Variants in MCC observed in about 807,000 individuals in gnomAD.
The protein encoded by MCC is colorectal mutant cancer protein.
MCC carries 90 observed loss-of-function variants against 116.2 expected under a neutral mutation model. The observed-to-expected ratio is 0.77, with a 90% CI of 0.65 to 0.92. The LOEUF (loss-of-function observed/expected upper bound fraction) is 0.92, where lower values mean the gene tolerates loss of function less well. Ranked by LOEUF, MCC falls within the 40% of genes least tolerant of loss-of-function variation. The pLI, the probability that MCC is intolerant of heterozygous loss-of-function variation, is 0.00. For missense variants in MCC, 1,516 were observed against 1,312.2 expected (o/e 1.16, Z -2.40); for synonymous variants, 578 against 510.5 (o/e 1.13, Z -1.78).
chr5:113,086,653 A>C (rs947895787), intron 8 of MCC, among the ~76,000 whole-genome samples: 1 of 152,240 alleles, frequency 6.6e-6, no homozygotes, highest in African/African-American at 2.4e-5. Context: ...GTAGCTGAAG[A>C]GAGTTGCTAG....
chr5:113,431,856 G>A (rs1052820181), intron 1 of MCC, among the ~76,000 whole-genome samples: 8 of 151,304 alleles, frequency 5.3e-5, no homozygotes, highest in African/African-American at 1.5e-4. Context: ...CAAAAATTAG[G>A]GCGGGGTACA....
intron 3 of MCC, among the ~76,000 whole-genome samples, chr5:113,168,409 T>C (rs1452209301): frequency 2.0e-5 from 3 of 152,236 alleles, no homozygotes; most frequent in Non-Finnish European, 4.4e-5. Flanking sequence ...GAAATATACT[T>C]GCACTTCTTT....
chr5:113,114,581 GC>G (rs910315117), intron 6 of MCC, among the ~76,000 whole-genome samples: 3 of 151,834 alleles, frequency 2.0e-5, no homozygotes, highest in African/African-American at 2.4e-5. Flanking sequence ...GGCCTACCCC[GC>G]CCCCCATCCT....
intron 3 of MCC, among the ~76,000 whole-genome samples, chr5:113,312,124 A>T (rs942499927): frequency 4.6e-5 from 7 of 152,042 alleles, no homozygotes; most frequent in Non-Finnish European, 1.0e-4. Flanking sequence ...AAACAAACAA[A>T]AAATTAGCTG....
At chr5:113,108,512 G>A (rs1411774844) in intron 6 of MCC, among the ~76,000 whole-genome samples, 1 of 151,664 alleles carries the variant, frequency 6.6e-6, no homozygotes, top group Non-Finnish European at 1.5e-5. Context: ...CATTAGCAGG[G>A]CATAGTGGTG....
intron 8 of MCC, among the ~76,000 whole-genome samples, chr5:113,099,569 A>G (rs924300833): frequency 7.2e-5 from 11 of 152,204 alleles, no homozygotes; most frequent in African/African-American, 2.7e-4. Flanking sequence ...TTTGGGTGCT[A>G]TTATTGTCCC....
intron 3 of MCC, among the ~76,000 whole-genome samples, chr5:113,323,724 C>A (rs1419296254): frequency 3.3e-5 from 5 of 152,144 alleles, no homozygotes; most frequent in Non-Finnish European, 5.9e-5. Flanking sequence ...CTCTCTGTTT[C>A]AAAAATCTCA....
At chr5:113,039,906 T>A (rs1448664199) in intron 17 of MCC, among the ~76,000 whole-genome samples, 1 of 152,162 alleles carries the variant, frequency 6.6e-6, no homozygotes, top group Non-Finnish European at 1.5e-5. Context: ...TGCCTTTTTA[T>A]AGATCACTTA....
chr5:113,339,296 A>G (rs765336199), intron 3 of MCC, among the ~76,000 whole-genome samples: 11 of 152,064 alleles, frequency 7.2e-5, no homozygotes, highest in Non-Finnish European at 1.3e-4. Context: ...ATACCCCACA[A>G]ATAGTTTTTC....
intron 2 of MCC, among the ~76,000 whole-genome samples, chr5:113,349,888 T>C (rs878995179): frequency 3.3e-5 from 5 of 152,086 alleles, no homozygotes; most frequent in African/African-American, 1.2e-4. Flanking sequence ...AGCATTTCTA[T>C]ATGCCAATAG....
intron 3 of MCC, among the ~76,000 whole-genome samples, chr5:113,267,899 A>G (rs981847763): frequency 2.6e-5 from 4 of 152,232 alleles, no homozygotes; most frequent in Non-Finnish European, 4.4e-5. Flanking sequence ...TTCTGTATTT[A>G]TATGTCTTAT....
chr5:113,466,793 C>T (rs1771922787), intron 1 of MCC, among the ~76,000 whole-genome samples: 1 of 151,976 alleles, frequency 6.6e-6, no homozygotes, highest in African/African-American at 2.4e-5. Flanking sequence ...AGTTTACAGT[C>T]CCACCAACAG....
chr5:113,107,048 G>A (rs1362484734), intron 6 of MCC, among the ~76,000 whole-genome samples: 8 of 152,040 alleles, frequency 5.3e-5, no homozygotes, highest in African/African-American at 7.3e-5. Context: ...GTAAGTTCCA[G>A]GAAAGAAGGG....
intron 1 of MCC, among the ~76,000 whole-genome samples, chr5:113,418,066 C>T (rs1770206744): frequency 7.3e-6 from 1 of 136,852 alleles, no homozygotes; most frequent in Non-Finnish European, 1.6e-5. Flanking sequence ...TTTCCTCCCT[C>T]ATGTCTTTTT....
At position 113,089,217 on chromosome 5, in the gene MCC, A is replaced by G. The variant is rs1384293162; in HGVS notation, c.1399-3907T>C. 5.9e-5 allele frequency among the ~76,000 whole-genome samples: 9 copies of G among 152,220 alleles called. 1 individual carries two copies. The highest frequency in any genetic ancestry group is 5.9e-4 in the Admixed American group (9 of 15,280). On this transcript the variant is annotated intron_variant, in intron 8 of 18. Coordinates refer to ENST00000408903, the MANE Select transcript of MCC (RefSeq NM_001085377.2). ...AGAGGGGTATCAACAAGGAGTGTCAAAGTGCAGAAGAAGAAACCTGGCTGG... is the reference window on the plus strand; with the variant it reads ...AGAGGGGTATCAACAAGGAGTGTCAGAGTGCAGAAGAAGAAACCTGGCTGG...
chr5:113,475,287 A>C (rs946733044), intron 1 of MCC, among the ~76,000 whole-genome samples: 3 of 152,368 alleles, frequency 2.0e-5, no homozygotes, highest in South Asian at 2.1e-4. Flanking sequence ...GAATTTTCCA[A>C]GCAACAGTTT....
In MCC at chr5:113,049,345, G is replaced by C. The variant is rs1188185362; in HGVS notation, c.2449-46C>G. On this transcript the variant is annotated intron_variant, in intron 15 of 18. Transcript: ENST00000408903. ...AGCACATGAGGCATGCCCTATCTGAGAGCAGGCCTGGCTGCTGCCAAGTGG... is the reference window on the plus strand; with the variant it reads ...AGCACATGAGGCATGCCCTATCTGACAGCAGGCCTGGCTGCTGCCAAGTGG... The C allele has an allele frequency of 7.5e-6, 11 of 1,476,488 alleles. No homozygotes were observed. The East Asian group carries it at 1.7e-4, about 23-fold the overall frequency. 91.5% of individuals were successfully genotyped at this position (1,476,488 alleles called of 1,614,324 possible). A position where few individuals can be genotyped will look rare whatever the true frequency, so the allele number is the denominator to read the frequency against.
chr5:113,027,567 T>A, intron 18 of MCC, 85 bp from the exon 19 acceptor site: 1 of 1,166,964 alleles, frequency 8.6e-7, no homozygotes, highest in South Asian at 1.4e-5. Context: ...TAACCAGATC[T>A]AGTGAGCACT....
At chr5:113,117,520 A>G (rs1028605620) in intron 6 of MCC, among the ~76,000 whole-genome samples, 5 of 152,242 alleles carry the variant, frequency 3.3e-5, no homozygotes, top group African/African-American at 9.6e-5. Context: ...CCTTGAGGGT[A>G]TAATAGTTTG....
Sources: allele counts gnomAD v4.1 joint callset (sites outside exome capture counted in the v4.1 genomes callset), GRCh38; gene constraint gnomAD v4.1.1; transcripts MANE v1.5; gene names NCBI Gene and HGNC (gene_info 2026-07-23, HGNC 2026-07-21).